SUPT20H: variants seen among roughly 807,000 people sequenced by gnomAD.
SUPT20H encodes transcription factor SPT20 homolog.
A neutral mutation model predicts 122.8 loss-of-function variants in SUPT20H; 82 were observed. The observed-to-expected ratio is 0.67, with a 90% CI of 0.56 to 0.80. The LOEUF is 0.80. Ranked by LOEUF, SUPT20H falls within the 30% of genes least tolerant of loss-of-function variation. The probability of loss-of-function intolerance (pLI) is 0.00; values close to 1 mark genes in which losing one functional copy is unlikely to be tolerated. For synonymous variants in SUPT20H, 291 were observed against 313.0 expected (o/e 0.93, Z 0.74); for missense variants, 831 against 921.6 (o/e 0.90, Z 1.27).
At chr13:37,018,925 A>G (rs1018786287) in intron 22 of SUPT20H, among the ~76,000 whole-genome samples, 1 of 152,218 alleles carries the variant, frequency 6.6e-6, no homozygotes, top group Non-Finnish European at 1.5e-5. Flanking sequence ...GTGGGATTCT[A>G]GGTGTGAGCA....
chr13:37,014,310 C>G (rs1386104364), intron 23 of SUPT20H, among the ~76,000 whole-genome samples: 2 of 152,028 alleles, frequency 1.3e-5, no homozygotes, highest in African/African-American at 4.8e-5. Context: ...TGGTTGAAGA[C>G]TTCAACACTT....
chr13:37,032,496 G>A (rs2063545520), intron 10 of SUPT20H, among the ~76,000 whole-genome samples: 1 of 152,156 alleles, frequency 6.6e-6, no homozygotes, highest in Non-Finnish European at 1.5e-5. Flanking sequence ...GAAACCAATA[G>A]GCAAATGCAG....
chr13:37,042,217 G>A (rs2065605984), intron 7 of SUPT20H, among the ~76,000 whole-genome samples: 1 of 152,178 alleles, frequency 6.6e-6, no homozygotes, highest in African/African-American at 2.4e-5. Context: ...AGAGTCATCT[G>A]TTAGACTGAA....
chr13:37,029,444 G>A (rs1278210086), intron 13 of SUPT20H, among the ~76,000 whole-genome samples: 3 of 152,056 alleles, frequency 2.0e-5, no homozygotes, highest in Non-Finnish European at 2.9e-5. Context: ...CAGGAGAATT[G>A]CTTGGACCTG....
chr13:37,026,167 C>T (rs781524203), intron 16 of SUPT20H, 37 bp downstream of exon 16: 11 of 1,553,794 alleles, frequency 7.1e-6, no homozygotes, highest in Non-Finnish European at 8.7e-6. Flanking sequence ...TTTTTCATAT[C>T]CATCCTGACC....
chr13:37,017,403 G>T (rs1362693637), intron 22 of SUPT20H, 39 bp from the exon 23 acceptor site: 1 of 1,551,736 alleles, frequency 6.4e-7, no homozygotes. Context: ...AATTTCACAT[G>T]ATTTTATATC....
At chr13:37,017,802 T>C (rs1293455840) in intron 22 of SUPT20H, among the ~76,000 whole-genome samples, 1 of 152,192 alleles carries the variant, frequency 6.6e-6, no homozygotes, top group East Asian at 1.9e-4. Flanking sequence ...TACAAGATCT[T>C]TTGTATAACA....
At position 37,047,581 on chromosome 13, in the gene SUPT20H, A is replaced by C. The variant is rs944456744; in HGVS notation, c.119T>G (p.Leu40Arg). The C allele has an allele frequency of 7.0e-6, 10 of 1,419,816 alleles. No individual in the cohort carries two copies. The Admixed American group carries it at 2.8e-4, about 39-fold the overall frequency. 88.0% of individuals were successfully genotyped at this position (1,419,816 alleles called of 1,614,324 possible). The change falls in exon 5 of 26, where the codon CTT becomes CGT. Residue 40 changes from leucine to arginine, a missense_variant. Physicochemically the swap from Leu to Arg is moderately radical, Grantham distance 102. Transcript: ENST00000350612. Reference protein sequence around the residue: ...SSGRKSVFQKLYDLYIEECEK... With the variant: ...SSGRKSVFQKRYDLYIEECEK... ...ACATTCTTCAATATACAAGTCATAA[A>C]GTTTTTGAAATACAGATTTTCTAAA... is the stretch of plus-strand genomic sequence containing the variant.
chr13:37,025,162 G>A (rs906148557), intron 17 of SUPT20H, 158 bp downstream of exon 17: 11 of 621,304 alleles, frequency 1.8e-5, no homozygotes, highest in African/African-American at 1.3e-4. Flanking sequence ...GGCTGGTCTC[G>A]AACTCCCGAC....
In SUPT20H at chr13:37,032,561, A is replaced by G. The variant is rs148846381; in HGVS notation, c.708-666T>C. On this transcript the variant is annotated intron_variant, in intron 10 of 25. Coordinates refer to ENST00000350612, the MANE Select transcript of SUPT20H (RefSeq NM_001014286.3). ...ATTAGCAGAAACCTCCTCAGGAACC[A>G]GTGCCAGGGTAGGGAACCTCAAGTA... is the stretch of plus-strand genomic sequence containing the variant. Among the ~76,000 whole-genome samples the G allele has an allele frequency of 4.6e-4, 70 of 152,282 alleles. No individual in the cohort carries two copies. In the Middle Eastern group the frequency reaches 0.01, roughly 22 times the overall value.
chr13:37,031,718 A>G (rs761149421), intron 11 of SUPT20H, 21 bp downstream of exon 11: 1 of 1,564,886 alleles, frequency 6.4e-7, no homozygotes, highest in East Asian at 2.3e-5. Flanking sequence ...AATAAGCTTC[A>G]TTTAAAATAT....
chr13:37,053,058 T>C (rs531137538), intron 1 of SUPT20H, among the ~76,000 whole-genome samples: 2 of 152,358 alleles, frequency 1.3e-5, no homozygotes, highest in East Asian at 3.9e-4. Flanking sequence ...GGAACACTTT[T>C]ACACTGTTGG....
intron 12 of SUPT20H, among the ~76,000 whole-genome samples, chr13:37,030,772 C>T (rs2063152920): frequency 6.6e-6 from 1 of 152,204 alleles, no homozygotes; most frequent in Admixed American, 6.5e-5. Context: ...CACTGAAATT[C>T]TATTATCAGG....
intron 22 of SUPT20H, among the ~76,000 whole-genome samples, chr13:37,018,570 T>G (rs1360108617): frequency 6.6e-6 from 1 of 152,216 alleles, no homozygotes; most frequent in Non-Finnish European, 1.5e-5. Context: ...TAGTCACGTC[T>G]ATCCATTTTC....
In SUPT20H at chr13:37,047,933, C is replaced by T. The variant is rs553444131; in HGVS notation, c.43G>A (p.Val15Ile). 4.9e-5 allele frequency: 78 copies of T among 1,601,822 alleles called. No homozygotes were observed. In the South Asian group the frequency reaches 8.4e-4, roughly 17 times the overall value. ...GGTCTCTGTCGGGCACTTTCAATGA[C>T]ATACTAAAAAACAAAAGTTTATGAG... ...LELALDRAEYVIESARQRPPK... is the reference protein window; with the variant it reads ...LELALDRAEYIIESARQRPPK... Residue 15 changes from valine to isoleucine, a missense_variant, in exon 4 of 26, where the codon GTC (valine) becomes ATC (isoleucine). Transcript: ENST00000350612.
At chr13:37,053,031 G>A (rs2068087465) in intron 1 of SUPT20H, among the ~76,000 whole-genome samples, 1 of 152,208 alleles carries the variant, frequency 6.6e-6, no homozygotes, top group Non-Finnish European at 1.5e-5. Context: ...AGATGTTGGT[G>A]AGGCTGCAGA....
intron 3 of SUPT20H, 29 bp from the exon 4 acceptor site, chr13:37,047,965 T>C (rs770178441): frequency 9.7e-5 from 152 of 1,575,102 alleles, no homozygotes; most frequent in Non-Finnish European, 1.2e-4. Context: ...TGAGAACAGC[T>C]TGCTTTTTGC....
chr13:37,032,033 A>C, intron 10 of SUPT20H, 138 bp from the exon 11 acceptor site: 6 of 612,386 alleles, frequency 9.8e-6, no homozygotes, highest in South Asian at 4.2e-5. Flanking sequence ...AGTCCTAGGA[A>C]CTAGGACTAG....
chr13:37,009,483 A>C lies in SUPT20H; in HGVS notation c.*189T>G. The C allele has an allele frequency of 1.2e-6, 1 of 839,392 alleles. No homozygotes were observed. Among genetic ancestry groups the C allele is most frequent in the Non-Finnish European group, 1.9e-6 (1 of 538,116 alleles). The allele number at this position is 839,392 out of a possible 1,614,324, so 52.0% of individuals were successfully genotyped here. A position where few individuals can be genotyped will look rare whatever the true frequency, so the allele number is the denominator to read the frequency against. ...TTTTAAAAAGCAATGACTTAGGCAA[A>C]CCAACCCTAGTTTGTTAAACCATTT... On this transcript the variant is annotated 3_prime_UTR_variant, in exon 26 of 26. Transcript: ENST00000350612.
Sources: gnomAD v4.1 joint callset for allele counts (sites outside exome capture counted in the v4.1 genomes callset) on GRCh38, gnomAD v4.1.1 for gene constraint, MANE v1.5 for transcripts, NCBI Gene and HGNC (gene_info 2026-07-23, HGNC 2026-07-21) for gene names.